The following ZC3H12B variants were observed in gnomAD, a reference collection of about 807,000 sequenced individuals.
The protein encoded by ZC3H12B is zinc finger CCCH-type containing 12B.
Under a neutral mutation model 43.9 loss-of-function variants are expected in ZC3H12B, and 7 were observed. That is an observed-to-expected ratio of 0.16 (90% CI 0.09 to 0.30). The LOEUF is 0.30. ZC3H12B is among the 10% of genes least tolerant of loss of function. ZC3H12B has a pLI of 1.00. For synonymous variants in ZC3H12B, 222 were observed against 241.7 expected, an observed-to-expected ratio of 0.92 and a Z score of 0.76; for missense variants, 475 against 670.2, an observed-to-expected ratio of 0.71 and a Z score of 3.22.
chrX:65,440,665 A>G (rs942803133), intron 3 of ZC3H12B, among the ~76,000 whole-genome samples: 17 of 112,384 alleles, frequency 1.5e-4, no homozygotes, highest in African/African-American at 5.5e-4. Context: ...TTTTAAATCT[A>G]TGACTATTAA....
the ZC3H12B span, among the ~76,000 whole-genome samples, chrX:65,074,700 T>C: frequency 8.9e-6 from 1 of 112,048 alleles, no homozygotes; most frequent in African/African-American, 3.2e-5. Context: ...TCAAATTACC[T>C]GTATTCGAGT....
the ZC3H12B span, among the ~76,000 whole-genome samples, chrX:65,157,214 C>G: frequency 9.0e-6 from 1 of 111,593 alleles, no homozygotes; most frequent in African/African-American, 3.3e-5. Flanking sequence ...CTTCTGTGCT[C>G]AAGGTATCTG....
At chrX:65,434,303 G>A (rs533919716) in intron 3 of ZC3H12B, among the ~76,000 whole-genome samples, 4 of 112,140 alleles carry the variant, frequency 3.6e-5, no homozygotes, top group African/African-American at 1.3e-4. Context: ...GACCCTCCCA[G>A]TATAAATGAT....
the ZC3H12B span, among the ~76,000 whole-genome samples, chrX:65,067,939 TATC>T: frequency 9.0e-6 from 1 of 110,953 alleles, no homozygotes; most frequent in African/African-American, 3.3e-5. Context: ...TATATTCTAT[TATC>T]ATTTGTTTCA....
intron 2 of ZC3H12B, among the ~76,000 whole-genome samples, chrX:65,376,663 GC>G (rs2066350958): frequency 8.9e-6 from 1 of 111,888 alleles, no homozygotes; most frequent in African/African-American, 3.2e-5. Context: ...CTTATCCAAG[GC>G]CACCAAAGTG....
intron 3 of ZC3H12B, among the ~76,000 whole-genome samples, chrX:65,424,048 T>A (rs1282054061): frequency 8.9e-6 from 1 of 111,977 alleles, no homozygotes; most frequent in Non-Finnish European, 1.9e-5. Flanking sequence ...TTGTCATTGA[T>A]TCTGTTTATG....
At chrX:65,160,370 G>T in the ZC3H12B span, among the ~76,000 whole-genome samples, 1 of 111,405 alleles carries the variant, frequency 9.0e-6, no homozygotes, top group Non-Finnish European at 1.9e-5. Context: ...GGTAGAATTC[G>T]GCTGTGAATC....
the ZC3H12B span, among the ~76,000 whole-genome samples, chrX:65,076,235 G>A: frequency 2.7e-4 from 29 of 108,254 alleles, no homozygotes; most frequent in Admixed American, 7.9e-4. Flanking sequence ...GCTAACTGTA[G>A]CCTTGAACTC....
chrX:65,488,761 G>T, exon 1 of ZC3H12B: 5 of 1,111,249 alleles, frequency 4.5e-6, no homozygotes, highest in Non-Finnish European at 5.9e-6. Flanking sequence ...AGGCTAAAAA[G>T]AAAAAGAACT....
chrX:65,410,792 C>G (rs2066895318), intron 3 of ZC3H12B, among the ~76,000 whole-genome samples: 1 of 111,811 alleles, frequency 8.9e-6, no homozygotes, highest in Non-Finnish European at 1.9e-5. Flanking sequence ...AGCTTATATC[C>G]AAACACAGGC....
chrX:65,107,911 T>C, the ZC3H12B span, among the ~76,000 whole-genome samples: 1 of 111,693 alleles, frequency 9.0e-6, no homozygotes, highest in Non-Finnish European at 1.9e-5. Context: ...ACAACTAGAC[T>C]ATATGGTATA....
the ZC3H12B span, among the ~76,000 whole-genome samples, chrX:65,087,267 C>A: frequency 1.8e-5 from 2 of 111,455 alleles, no homozygotes; most frequent in African/African-American, 6.5e-5. Flanking sequence ...CACAGGCACA[C>A]CCTCTACCGT....
At chrX:65,374,095 ATAAC>A (rs2066308255) in intron 2 of ZC3H12B, among the ~76,000 whole-genome samples, 1 of 57,818 alleles carries the variant, frequency 1.7e-5, no homozygotes, top group Non-Finnish European at 2.4e-5. Flanking sequence ...TAGTATATAT[ATAAC>A]TATATATAGG....
At chrX:65,059,219 A>ACACCC in the ZC3H12B span, among the ~76,000 whole-genome samples, 1 of 38,466 alleles carries the variant, frequency 2.6e-5, no homozygotes. Flanking sequence ...TCTTGGAACC[A>ACACCC]CCCCCCCCCC....
chrX:65,234,047 G>A, the ZC3H12B span, among the ~76,000 whole-genome samples: 11 of 110,815 alleles, frequency 9.9e-5, no homozygotes, highest in East Asian at 5.6e-4. Context: ...TGCTAAGACC[G>A]GACAAAAACA....
the ZC3H12B span, among the ~76,000 whole-genome samples, chrX:65,093,546 A>G: frequency 8.9e-6 from 1 of 112,458 alleles, no homozygotes; most frequent in Admixed American, 9.4e-5. Flanking sequence ...TTACATCAGC[A>G]TGCCCTGGGT....
upstream of ZC3H12B, among the ~76,000 whole-genome samples, chrX:65,486,389 CCTGGGGCTTAGCACAGCCT>C (rs1252823675): frequency 8.9e-6 from 1 of 111,985 alleles, no homozygotes; most frequent in African/African-American, 3.2e-5. Context: ...TCTTTCTAAC[CCTGGGGCTTAGCACAGCCT>C]CTGGCACTCA....
At chrX:65,138,702 C>T in the ZC3H12B span, among the ~76,000 whole-genome samples, 1 of 111,736 alleles carries the variant, frequency 8.9e-6, no homozygotes, top group Non-Finnish European at 1.9e-5. Context: ...TGTTTCTCCC[C>T]AACAGTGCAC....
the ZC3H12B span, among the ~76,000 whole-genome samples, chrX:65,059,375 C>T: frequency 1.8e-5 from 2 of 111,736 alleles, no homozygotes; most frequent in Non-Finnish European, 3.8e-5. Context: ...TTAAGTCTTT[C>T]ATCAATTTCA....
Sources: gnomAD v4.1 joint callset for allele counts (sites outside exome capture counted in the v4.1 genomes callset) on GRCh38, gnomAD v4.1.1 for gene constraint, MANE v1.5 for transcripts, NCBI Gene and HGNC (gene_info 2026-07-23, HGNC 2026-07-21) for gene names.